The following MCPH1 variants were observed in gnomAD, a reference collection of about 807,000 sequenced individuals.
The protein encoded by MCPH1 is microcephalin.
In MCPH1, 104 loss-of-function variants were observed where a neutral mutation model predicts 84.5. The observed-to-expected ratio is 1.23, with a 90% CI of 1.05 to 1.45. The LOEUF is 1.45. Among genes scored for constraint, MCPH1 ranks in the 40% most tolerant of loss-of-function variants. MCPH1 has a pLI of 0.00. For missense variants in MCPH1, 1,498 were observed against 1,005.7 expected (o/e 1.49, Z -6.62); for synonymous variants, 514 against 366.8 (o/e 1.40, Z -4.58).
intron 12 of MCPH1, among the ~76,000 whole-genome samples, chr8:6,512,619 G>A (rs920689602): frequency 4.6e-5 from 7 of 152,132 alleles, no homozygotes; most frequent in Non-Finnish European, 7.3e-5. Flanking sequence ...CACACATTTC[G>A]GAGTGCCTCT....
At chr8:6,424,240 C>T (rs560799312) in intron 3 of MCPH1, among the ~76,000 whole-genome samples, 1 of 152,272 alleles carries the variant, frequency 6.6e-6, no homozygotes, top group South Asian at 2.1e-4. Flanking sequence ...CAGCTTGGCC[C>T]CCACTCTAAG....
At chr8:6,600,036 C>A (rs935114582) in intron 12 of MCPH1, among the ~76,000 whole-genome samples, 2 of 152,208 alleles carry the variant, frequency 1.3e-5, no homozygotes, top group Admixed American at 6.5e-5. Context: ...AATAAAGTAA[C>A]CTTTTCCCCA....
intron 8 of MCPH1, among the ~76,000 whole-genome samples, chr8:6,454,122 A>G (rs1805411940): frequency 1.3e-5 from 2 of 152,244 alleles, no homozygotes; most frequent in Admixed American, 1.3e-4. Context: ...AGTCTTTCTC[A>G]TGTTATATGA....
chr8:6,513,645 A>T (rs1815651573), intron 12 of MCPH1: 1 of 1,582,406 alleles, frequency 6.3e-7, no homozygotes, highest in Non-Finnish European at 8.6e-7. Flanking sequence ...AAATCTTTTA[A>T]TTTTTTCTTT....
In MCPH1 at chr8:6,427,222, C is replaced by G. The variant is rs188409088; in HGVS notation, c.234-4277C>G. 2.3e-3 allele frequency among the ~76,000 whole-genome samples: 348 copies of G among 152,302 alleles called. 1 individual carries two copies. The highest frequency in any genetic ancestry group is 8.1e-3 in the African/African-American group (338 of 41,560). ...TTTACTATGAATTGAGCTCGCTAGA[C>G]TGGAAGTTGCTGTGGTTGAGTCGTT... On this transcript the variant is annotated intron_variant, in intron 3 of 13. Transcript: ENST00000344683.
Position 6,439,036 on chromosome 8 carries a change from A to T in MCPH1, c.520A>T (p.Ser174Cys). 1 of 1,611,384 alleles carries T rather than the reference A, an allele frequency of 6.2e-7. No individual in the cohort carries two copies. The highest frequency in any genetic ancestry group is 8.5e-7 in the Non-Finnish European group (1 of 1,177,766). Residue 174 changes from serine to cysteine, a missense_variant, in exon 6 of 14, where the codon AGC (serine) becomes TGC (cysteine). Transcript: ENST00000344683. ...PTIEINSRHH[S>C]AMEKRLQEMK... ...AATTGAAATTAATAGTAGGCACCAC[A>T]GCGCAATGGAGAAGAGATTACAAGA...
chr8:6,500,947 G>C (rs1031743245), intron 12 of MCPH1: 3 of 152,188 alleles, frequency 2.0e-5, no homozygotes, highest in Non-Finnish European at 4.4e-5. Flanking sequence ...CCCTACCTAA[G>C]TATCCATCAC....
intron 12 of MCPH1, among the ~76,000 whole-genome samples, chr8:6,578,453 G>A (rs1266221702): frequency 6.6e-6 from 1 of 152,038 alleles, no homozygotes; most frequent in Admixed American, 6.5e-5. Flanking sequence ...TTTCTATGCC[G>A]ATTTTTCAGA....
chr8:6,597,543 GC>G (rs1337854970), intron 12 of MCPH1, among the ~76,000 whole-genome samples: 3 of 152,118 alleles, frequency 2.0e-5, no homozygotes, highest in Admixed American at 1.3e-4. Flanking sequence ...CCCTCTCCCA[GC>G]CCAGAACATT....
rs904790219 is a variant in MCPH1, at chr8:6,421,255, A to G, written c.233+6372A>G. 3.9e-5 allele frequency among the ~76,000 whole-genome samples: 6 copies of G among 152,176 alleles called. No individual in the cohort carries two copies. In the East Asian group the frequency reaches 5.8e-4, roughly 15 times the overall value. On this transcript the variant is annotated intron_variant, in intron 3 of 13. Transcript: ENST00000344683. Reference sequence around the variant, plus strand: ...CACAACAGGTGTGGACTGTCAGGAAATGGCCTCTCCCTGGCTCTGGCTGCC... The same window carrying G: ...CACAACAGGTGTGGACTGTCAGGAAGTGGCCTCTCCCTGGCTCTGGCTGCC...
intron 3 of MCPH1, among the ~76,000 whole-genome samples, chr8:6,418,738 C>T (rs762222040): frequency 6.6e-6 from 1 of 152,152 alleles, no homozygotes; most frequent in East Asian, 1.9e-4. Flanking sequence ...CGTGCCACCA[C>T]GCCCAGCTAA....
intron 12 of MCPH1, among the ~76,000 whole-genome samples, chr8:6,614,130 A>T (rs1830563987): frequency 6.6e-6 from 1 of 151,722 alleles, no homozygotes; most frequent in East Asian, 1.9e-4. Flanking sequence ...AGAAGGTTAG[A>T]CTCCTAAAAA....
chr8:6,487,207 GCTAA>G (rs1199263397), intron 11 of MCPH1, among the ~76,000 whole-genome samples: 1 of 152,152 alleles, frequency 6.6e-6, no homozygotes. Context: ...TGTCAAGGCC[GCTAA>G]CTATCAACAG....
chr8:6,543,498 C>G (rs7842402), intron 12 of MCPH1, among the ~76,000 whole-genome samples: 36,508 of 151,898 alleles, frequency 0.24, 4,387 homozygotes, highest in African/African-American at 0.25. Context: ...GTGCGTGGGT[C>G]GTGGGGAGCA....
intron 13 of MCPH1, chr8:6,622,068 C>G: frequency 2.8e-6 from 1 of 359,198 alleles, no homozygotes; most frequent in Non-Finnish European, 5.6e-6. Flanking sequence ...TCCCTGGCAG[C>G]GCCCGGCACT....
intron 12 of MCPH1, among the ~76,000 whole-genome samples, chr8:6,593,969 G>A (rs1828721894): frequency 6.6e-6 from 1 of 152,222 alleles, no homozygotes; most frequent in Non-Finnish European, 1.5e-5. Flanking sequence ...TAGAAGGCTG[G>A]TGGTGAGCTC....
intron 12 of MCPH1, chr8:6,532,496 G>A: frequency 6.3e-7 from 1 of 1,594,576 alleles, no homozygotes; most frequent in Admixed American, 1.7e-5. Flanking sequence ...AGCTAGAAAA[G>A]AACAGTGTTA....
intron 9 of MCPH1, among the ~76,000 whole-genome samples, chr8:6,464,222 T>C (rs1336221472): frequency 1.3e-5 from 2 of 152,170 alleles, no homozygotes; most frequent in African/African-American, 4.8e-5. Flanking sequence ...GTAATTGCTT[T>C]GATAAATCAC....
chr8:6,518,603 G>C (rs1394587500), intron 12 of MCPH1, among the ~76,000 whole-genome samples: 1 of 152,094 alleles, frequency 6.6e-6, no homozygotes, highest in Non-Finnish European at 1.5e-5. Context: ...CCTAATGCTT[G>C]TATTTTTAAA....
Sources: allele counts gnomAD v4.1 joint callset (sites outside exome capture counted in the v4.1 genomes callset), GRCh38; gene constraint gnomAD v4.1.1; transcripts MANE v1.5; gene names NCBI Gene and HGNC (gene_info 2026-07-23, HGNC 2026-07-21).